LRRC7: variants seen among roughly 807,000 people sequenced by gnomAD.
The protein encoded by LRRC7 is leucine rich repeat containing 7.
Under a neutral mutation model 175.7 loss-of-function variants are expected in LRRC7, and 23 were observed. That is an observed-to-expected ratio of 0.13 (90% CI 0.09 to 0.19). LRRC7 has a LOEUF of 0.19. Among genes scored for constraint, LRRC7 ranks in the 10% least tolerant of loss-of-function variants. The probability of loss-of-function intolerance (pLI) is 1.00; values close to 1 mark genes in which losing one functional copy is unlikely to be tolerated. For synonymous variants in LRRC7, 685 were observed against 680.9 expected, an observed-to-expected ratio of 1.01 and a Z score of -0.09; for missense variants, 1,354 against 1,904.7, an observed-to-expected ratio of 0.71 and a Z score of 5.38.
At chr1:70,041,192 G>A (rs1659866220) in intron 21 of LRRC7, among the ~76,000 whole-genome samples, 1 of 152,130 alleles carries the variant, frequency 6.6e-6, no homozygotes, top group Non-Finnish European at 1.5e-5. Flanking sequence ...CCTGCTAAAA[G>A]CACAGGTCAC....
At position 69,649,104 on chromosome 1, in the gene LRRC7, C is replaced by T. The variant is rs374814527; in HGVS notation, c.3-29277C>T. Among the ~76,000 whole-genome samples, 32 of 152,304 alleles carry T rather than the reference C, an allele frequency of 2.1e-4. No individual in the cohort carries two copies. In the South Asian group the frequency reaches 6.6e-3, roughly 32 times the overall value. ...AATGTTATTGCTATTGGAATGTGAA[C>T]ATACAGATATTGTTAGATTCTGTCT... On this transcript the variant is annotated intron_variant, in intron 1 of 26. Transcript: ENST00000651989.
At chr1:70,004,041 C>T (rs1013705677) in intron 11 of LRRC7, among the ~76,000 whole-genome samples, 7 of 152,008 alleles carry the variant, frequency 4.6e-5, no homozygotes, top group South Asian at 2.1e-4. Flanking sequence ...AGGAAAGCAA[C>T]GGTTTCTAGT....
intron 4 of LRRC7, among the ~76,000 whole-genome samples, chr1:69,812,366 T>G (rs551205038): frequency 1.3e-5 from 2 of 152,268 alleles, no homozygotes; most frequent in South Asian, 4.1e-4. Flanking sequence ...AGCCTCAGTT[T>G]CTTCATTAGT....
intron 2 of LRRC7, among the ~76,000 whole-genome samples, chr1:69,683,792 A>C (rs1660788362): frequency 6.6e-6 from 1 of 152,176 alleles, no homozygotes; most frequent in African/African-American, 2.4e-5. Flanking sequence ...GCAGGGAATT[A>C]TAAAAAACTA....
intron 1 of LRRC7, 53 bp downstream of exon 1, chr1:69,568,694 C>A: frequency 1.5e-6 from 2 of 1,300,640 alleles, no homozygotes; most frequent in Non-Finnish European, 1.0e-6. Flanking sequence ...GGCCCGGCCG[C>A]GGCGACCGTA....
chr1:70,026,247 C>T (rs1259404976), intron 17 of LRRC7, among the ~76,000 whole-genome samples: 1 of 151,808 alleles, frequency 6.6e-6, no homozygotes, highest in Admixed American at 6.6e-5. Flanking sequence ...ATTTAATGCC[C>T]TACTTTAGCT....
intron 24 of LRRC7, among the ~76,000 whole-genome samples, chr1:70,082,402 T>G (rs573222213): frequency 4.6e-4 from 70 of 152,174 alleles, no homozygotes; most frequent in Non-Finnish European, 7.9e-4. Flanking sequence ...CCATAGAATT[T>G]TATTCTCCAG....
intron 1 of LRRC7, among the ~76,000 whole-genome samples, chr1:69,627,472 T>C (rs1651785373): frequency 6.6e-6 from 1 of 152,246 alleles, no homozygotes; most frequent in African/African-American, 2.4e-5. Flanking sequence ...TTCTTGATAT[T>C]AGCCCTTTGT....
intron 1 of LRRC7, among the ~76,000 whole-genome samples, chr1:69,619,015 C>T (rs1024551340): frequency 6.6e-5 from 10 of 152,252 alleles, no homozygotes; most frequent in East Asian, 3.9e-4. Context: ...ACAACCTTGA[C>T]AGTGAGTGGC....
intron 4 of LRRC7, among the ~76,000 whole-genome samples, chr1:69,821,044 G>T (rs185655892): frequency 2.6e-5 from 4 of 152,202 alleles, no homozygotes; most frequent in Admixed American, 1.3e-4. Flanking sequence ...ACTTTTTAGT[G>T]ATCACCATTC....
rs551031423 is a variant in LRRC7 at position 69,666,480 on chromosome 1, C to A, written c.3-11901C>A. On this transcript the variant is annotated intron_variant, in intron 1 of 26. Coordinates refer to ENST00000651989, the MANE Select transcript of LRRC7 (RefSeq NM_001370785.2). The stretch of plus-strand genomic sequence containing the variant: ...TTTGCTGGGAGACTTATTATTATGG[C>A]TTCAATCTAATTACTAGTTATTGTT... Among the ~76,000 whole-genome samples the A allele has an allele frequency of 9.9e-5, 15 of 152,118 alleles. No homozygotes were observed. The South Asian group carries it at 3.1e-3, about 32-fold the overall frequency.
intron 1 of LRRC7, among the ~76,000 whole-genome samples, chr1:69,653,517 G>T (rs769942245): frequency 2.4e-4 from 36 of 152,144 alleles, no homozygotes; most frequent in Middle Eastern, 3.4e-3. Context: ...TGTTAGCAGG[G>T]ATGTGGACAA....
At chr1:69,800,310 T>G (rs1676318417) in intron 4 of LRRC7, among the ~76,000 whole-genome samples, 1 of 152,014 alleles carries the variant, frequency 6.6e-6, no homozygotes. Flanking sequence ...TGGATTGCAT[T>G]GAGTCTATAG....
At chr1:69,756,908 G>A (rs944911973) in intron 2 of LRRC7, among the ~76,000 whole-genome samples, 4 of 151,932 alleles carry the variant, frequency 2.6e-5, no homozygotes, top group African/African-American at 9.7e-5. Flanking sequence ...TTCCTAAAAG[G>A]TTACTCCAGA....
chr1:70,058,128 C>T (rs554290967), intron 23 of LRRC7, among the ~76,000 whole-genome samples: 183 of 151,786 alleles, frequency 1.2e-3, no homozygotes, highest in African/African-American at 4.2e-3. Context: ...GCGCGCCTCA[C>T]CCTCCCAAGT....
At chr1:69,919,223 G>C in intron 7 of LRRC7, 1 of 349,542 alleles carries the variant, frequency 2.9e-6, no homozygotes, top group Non-Finnish European at 5.2e-6. Context: ...TCCATAGGGT[G>C]TCATTCTCAA....
chr1:69,781,159 A>G lies in LRRC7; in HGVS notation c.304-10884A>G, dbSNP rs1398063050. ...TGGCACTTTGCTAACCCAAAGTGCTATAACATATACTCGTATTTACTCTAA... is the reference window on the plus strand; with the variant it reads ...TGGCACTTTGCTAACCCAAAGTGCTGTAACATATACTCGTATTTACTCTAA... On this transcript the variant is annotated intron_variant, in intron 3 of 26. Transcript: ENST00000651989. 3.9e-5 allele frequency among the ~76,000 whole-genome samples: 6 copies of G among 152,290 alleles called. No individual in the cohort carries two copies. In the East Asian group the frequency reaches 9.7e-4, roughly 25 times the overall value.
intron 7 of LRRC7, chr1:69,875,043 T>C (rs141027666): frequency 2.6e-5 from 4 of 152,230 alleles, no homozygotes; most frequent in African/African-American, 9.6e-5. Context: ...TAGTGTAGTT[T>C]TATAATGTGT....
chr1:70,022,744 T>C (rs1657645048), intron 16 of LRRC7, among the ~76,000 whole-genome samples: 1 of 152,200 alleles, frequency 6.6e-6, no homozygotes, highest in African/African-American at 2.4e-5. Flanking sequence ...GAATAGAATA[T>C]ATTGTAATCT....
Sources: gnomAD v4.1 joint callset for allele counts (sites outside exome capture counted in the v4.1 genomes callset) on GRCh38, gnomAD v4.1.1 for gene constraint, MANE v1.5 for transcripts, NCBI Gene and HGNC (gene_info 2026-07-23, HGNC 2026-07-21) for gene names.